The following SUGCT variants were observed in gnomAD, a reference collection of about 807,000 sequenced individuals.
SUGCT encodes succinyl-CoA:glutarate-CoA transferase, also known as succinyl-CoA:glutarate CoA-transferase.
Under a neutral mutation model 55.0 loss-of-function variants are expected in SUGCT, and 41 were observed. That is an observed-to-expected ratio of 0.74 (90% confidence interval 0.58 to 0.97). The LOEUF (loss-of-function observed/expected upper bound fraction) is 0.97, where lower values mean the gene tolerates loss of function less well. Among genes scored for constraint, SUGCT ranks in the 50% least tolerant of loss-of-function variants. The probability of loss-of-function intolerance (pLI) is 0.00; values close to 1 mark genes in which losing one functional copy is unlikely to be tolerated. For synonymous variants in SUGCT, 187 were observed against 200.4 expected, an observed-to-expected ratio of 0.93 and a Z score of 0.56; for missense variants, 568 against 547.8, an observed-to-expected ratio of 1.04 and a Z score of -0.37.
intron 7 of SUGCT, among the ~76,000 whole-genome samples, chr7:40,239,815 G>A (rs552003591): frequency 2.2e-4 from 34 of 152,290 alleles, no homozygotes; most frequent in African/African-American, 7.9e-4. Flanking sequence ...TACTTTCCAT[G>A]TATTACATTA....
chr7:40,409,443 A>G (rs1233393883), intron 9 of SUGCT, among the ~76,000 whole-genome samples: 1 of 151,738 alleles, frequency 6.6e-6, no homozygotes, highest in Non-Finnish European at 1.5e-5. Flanking sequence ...TATTTTTTGT[A>G]GAGATGGGGT....
chr7:40,456,270 C>T (rs1289572348), intron 10 of SUGCT, among the ~76,000 whole-genome samples: 1 of 152,172 alleles, frequency 6.6e-6, no homozygotes, highest in Non-Finnish European at 1.5e-5. Flanking sequence ...AGGTGATCCA[C>T]CCGCCTTGGC....
At chr7:40,907,310 A>G in the SUGCT span, among the ~76,000 whole-genome samples, 1 of 152,152 alleles carries the variant, frequency 6.6e-6, no homozygotes, top group Non-Finnish European at 1.5e-5. Flanking sequence ...GACAGAAATC[A>G]ACATCCCTGA....
At chr7:40,799,356 C>T (rs988379333) in intron 13 of SUGCT, among the ~76,000 whole-genome samples, 6 of 152,132 alleles carry the variant, frequency 3.9e-5, no homozygotes, top group Admixed American at 3.9e-4. Context: ...GAATAGCATA[C>T]TCCTTTTGAA....
intron 11 of SUGCT, among the ~76,000 whole-genome samples, chr7:40,460,354 T>A (rs569610967): frequency 3.7e-4 from 56 of 152,168 alleles, no homozygotes; most frequent in Non-Finnish European, 2.5e-4. Flanking sequence ...CCTTTTCTGG[T>A]CCCTAGTTAA....
chr7:40,636,862 G>T lies in SUGCT; in HGVS notation c.1090-112572G>T, dbSNP rs142711088. 3.5e-3 allele frequency among the ~76,000 whole-genome samples: 526 copies of T among 152,138 alleles called. 9 individuals carry two copies. Among genetic ancestry groups the T allele is most frequent in the East Asian group, 0.031 (161 of 5,164 alleles). ...TTTTGGTCTTAAAATTTTTTAAATG[G>T]TCCTTTTGGATACATGTATGTCCCC... On this transcript the variant is annotated intron_variant, in intron 12 of 13. Coordinates refer to ENST00000335693, the MANE Select transcript of SUGCT (RefSeq NM_001193313.2).
chr7:40,360,375 T>A (rs1436947871), intron 9 of SUGCT, among the ~76,000 whole-genome samples: 2 of 152,240 alleles, frequency 1.3e-5, no homozygotes, highest in East Asian at 3.8e-4. Flanking sequence ...AGAGGGTTAA[T>A]GCAAATTTCA....
intron 6 of SUGCT, among the ~76,000 whole-genome samples, chr7:40,210,072 T>A (rs189807193): frequency 2.0e-5 from 3 of 152,006 alleles, no homozygotes; most frequent in African/African-American, 4.8e-5. Flanking sequence ...TTTTAAAAAA[T>A]TTAATTTTAT....
chr7:40,585,239 G>A (rs1000578437), intron 12 of SUGCT, among the ~76,000 whole-genome samples: 6 of 152,174 alleles, frequency 3.9e-5, no homozygotes, highest in Admixed American at 3.9e-4. Context: ...CAGACAGTGA[G>A]TCATAACCTT....
chr7:40,171,575 A>G lies in SUGCT; in HGVS notation c.101-9372A>G, dbSNP rs181139216. ...CCTTTTTCTAACAGAATAGCTCTAT[A>G]CTTTTAGACTTTTGAGTTAGTAAGC... On this transcript the variant is annotated intron_variant, in intron 1 of 13. Coordinates refer to ENST00000335693, the MANE Select transcript of SUGCT (RefSeq NM_001193313.2). Among the ~76,000 whole-genome samples the G allele has an allele frequency of 3.7e-3, 567 of 152,300 alleles. 7 individuals carry two copies. Among genetic ancestry groups the G allele is most frequent in the African/African-American group, 0.013 (537 of 41,566 alleles).
intron 8 of SUGCT, among the ~76,000 whole-genome samples, chr7:40,295,698 G>A (rs574361972): frequency 1.4e-3 from 207 of 152,186 alleles, no homozygotes; most frequent in African/African-American, 4.8e-3. Context: ...TTGTGGCTTC[G>A]GATGAAAACT....
intron 9 of SUGCT, among the ~76,000 whole-genome samples, chr7:40,329,385 A>T (rs933104024): frequency 1.3e-5 from 2 of 152,172 alleles, no homozygotes; most frequent in African/African-American, 4.8e-5. Flanking sequence ...GCATTTAGGA[A>T]AAGGAGTACT....
At chr7:40,253,359 C>T (rs1176991932) in intron 7 of SUGCT, among the ~76,000 whole-genome samples, 1 of 152,182 alleles carries the variant, frequency 6.6e-6, no homozygotes, top group African/African-American at 2.4e-5. Flanking sequence ...TACTCTCCAG[C>T]TCCTTATCCT....
intron 8 of SUGCT, among the ~76,000 whole-genome samples, chr7:40,279,334 G>C (rs1025232757): frequency 6.6e-6 from 1 of 152,080 alleles, no homozygotes; most frequent in Non-Finnish European, 1.5e-5. Context: ...AGTGGCATAA[G>C]CAATTCCTGG....
intron 7 of SUGCT, among the ~76,000 whole-genome samples, chr7:40,267,169 A>G (rs1055337753): frequency 6.6e-6 from 1 of 152,152 alleles, no homozygotes; most frequent in African/African-American, 2.4e-5. Flanking sequence ...TCCTCACACT[A>G]TAATTGTATG....
chr7:40,937,018 T>C, the SUGCT span, among the ~76,000 whole-genome samples: 1 of 152,240 alleles, frequency 6.6e-6, no homozygotes, highest in Non-Finnish European at 1.5e-5. Flanking sequence ...TGCCCTACCA[T>C]GTTCTTTCCT....
At chr7:40,231,338 T>C in intron 6 of SUGCT, among the ~76,000 whole-genome samples, 1 of 152,202 alleles carries the variant, frequency 6.6e-6, no homozygotes, top group Admixed American at 6.5e-5. Flanking sequence ...GCTAAAGATA[T>C]TGCAGAGAAC....
the SUGCT span, among the ~76,000 whole-genome samples, chr7:40,917,578 CAGG>C: frequency 6.6e-6 from 1 of 152,096 alleles, no homozygotes; most frequent in South Asian, 2.1e-4. Flanking sequence ...ATCTAGGCTG[CAGG>C]AGGAGAGAAG....
intron 12 of SUGCT, among the ~76,000 whole-genome samples, chr7:40,497,251 A>T (rs1340292073): frequency 6.6e-6 from 1 of 152,188 alleles, no homozygotes; most frequent in Non-Finnish European, 1.5e-5. Context: ...TTTTCTTAGA[A>T]ATAAATTACT....
Sources: gnomAD v4.1 joint callset for allele counts (sites outside exome capture counted in the v4.1 genomes callset) on GRCh38, gnomAD v4.1.1 for gene constraint, MANE v1.5 for transcripts, NCBI Gene and HGNC (gene_info 2026-07-23, HGNC 2026-07-21) for gene names.